Variants in CYP2C19 observed in about 807,000 individuals in gnomAD.
CYP2C19 encodes cytochrome P450 family 2 subfamily C member 19.
A neutral mutation model predicts 40.9 loss-of-function variants in CYP2C19; 59 were observed. The observed-to-expected ratio is 1.44, with a 90% CI of 1.17 to 1.79. CYP2C19 has a LOEUF of 1.79. CYP2C19 is among the 40% of genes most tolerant of loss of function. The probability of loss-of-function intolerance (pLI) is 0.00; values close to 1 mark genes in which losing one functional copy is unlikely to be tolerated. For missense variants in CYP2C19, 754 were observed against 596.9 expected (o/e 1.26, Z -2.74); for synonymous variants, 253 against 208.7 (o/e 1.21, Z -1.83).
Position 94,854,256 on chromosome 10 carries a change from T to A in CYP2C19, c.*1342T>A, listed in dbSNP as rs189119944. ...CTAGTCTTGAACTCCTGACCTCAAGTGATCCACCCACCTCAGCCTCCCAAA... is the reference window on the plus strand; with the variant it reads ...CTAGTCTTGAACTCCTGACCTCAAGAGATCCACCCACCTCAGCCTCCCAAA... On this transcript the variant is annotated 3_prime_UTR_variant, in exon 9 of 9. Transcript: ENST00000371321. 7.1e-4 allele frequency among the ~76,000 whole-genome samples: 108 copies of A among 152,204 alleles called. No individual in the cohort carries two copies. Among genetic ancestry groups the A allele is most frequent in the African/African-American group, 2.5e-3 (103 of 41,528 alleles).
intron 1 of CYP2C19, among the ~76,000 whole-genome samples, chr10:94,772,945 C>T (rs1421042358): frequency 6.6e-6 from 1 of 152,174 alleles, no homozygotes; most frequent in East Asian, 1.9e-4. Context: ...CCGCGCCCGG[C>T]TAATTTTTTG....
chr10:94,842,396 T>A (rs1008257720), intron 6 of CYP2C19, among the ~76,000 whole-genome samples: 13 of 145,374 alleles, frequency 8.9e-5, no homozygotes, highest in Non-Finnish European at 1.7e-4. Context: ...AAGTGAAGTT[T>A]TTTTTTTTTT....
rs187390647 is a variant in CYP2C19 at position 94,820,479 on chromosome 10, C to A, written c.820-17C>A. On this transcript the variant is annotated splice_polypyrimidine_tract_variant and intron_variant, in intron 5 of 8. Coordinates refer to ENST00000371321, the MANE Select transcript of CYP2C19 (RefSeq NM_000769.4). ...TGTTAAATAATTTGTCAGATAATTG[C>A]ATCAAATCATTCCTAGGAAAAGCAA... 1.4e-5 allele frequency: 22 copies of A among 1,613,520 alleles called. No individual in the cohort carries two copies. The African/African-American group carries it at 2.9e-4, about 22-fold the overall frequency.
chr10:94,801,433 G>C (rs932947161), intron 5 of CYP2C19, among the ~76,000 whole-genome samples: 3 of 152,158 alleles, frequency 2.0e-5, no homozygotes, highest in Non-Finnish European at 4.4e-5. Flanking sequence ...TGAGTTCTAA[G>C]TTGATTGCAC....
intron 5 of CYP2C19, among the ~76,000 whole-genome samples, chr10:94,790,350 C>T (rs1046203674): frequency 1.3e-5 from 2 of 152,046 alleles, no homozygotes; most frequent in African/African-American, 4.8e-5. Context: ...TTTCTCTTGC[C>T]TGATTGCCCT....
chr10:94,803,085 T>A (rs1362009065), intron 5 of CYP2C19, among the ~76,000 whole-genome samples: 1 of 152,184 alleles, frequency 6.6e-6, no homozygotes, highest in Non-Finnish European at 1.5e-5. Context: ...TTAGGGTTCA[T>A]TGCTGGGGAG....
At chr10:94,773,645 C>G (rs544624731) in intron 1 of CYP2C19, among the ~76,000 whole-genome samples, 7 of 152,220 alleles carry the variant, frequency 4.6e-5, no homozygotes, top group South Asian at 4.1e-4. Context: ...GTGAGTGTTA[C>G]AGCTCTTAAA....
chr10:94,834,820 G>A (rs1391574956), intron 6 of CYP2C19, among the ~76,000 whole-genome samples: 6 of 152,142 alleles, frequency 3.9e-5, no homozygotes, highest in Non-Finnish European at 7.4e-5. Flanking sequence ...GTTTAAAGGT[G>A]GAAGTGGTCA....
In CYP2C19 at chr10:94,779,541, CT is replaced by C. The variant is rs17878417; in HGVS notation, c.482-951del. Among the ~76,000 whole-genome samples, 471 of 88,648 alleles carry C rather than the reference CT, an allele frequency of 5.3e-3. 3 individuals carry two copies. The highest frequency in any genetic ancestry group is 0.018 in the African/African-American group (448 of 25,432). 58.2% of individuals were successfully genotyped at this position (88,648 alleles called of 152,430 possible). A position where few individuals can be genotyped will look rare whatever the true frequency, so the allele number is the denominator to read the frequency against. ...ACTAAAAACTCCATTTATTAATTTA[CT>C]TTTTTTCCTTTTTCTTTTCTTTTCT... On this transcript the variant is annotated intron_variant, in intron 3 of 8. Transcript: ENST00000371321.
intron 3 of CYP2C19, among the ~76,000 whole-genome samples, chr10:94,779,563 T>TTTCTTTTCTTTTCTC (rs1328633120): frequency 6.7e-6 from 1 of 148,688 alleles, no homozygotes; most frequent in African/African-American, 2.5e-5. Flanking sequence ...TTTCTTTTCT[T>TTTCTTTTCTTTTCTC]TTCTTTTTTT....
rs1848465756 is a variant in CYP2C19, at chr10:94,780,547, T to A, written c.530T>A (p.Val177Glu). The change falls in exon 4 of 9, where the codon GTG becomes GAG. Residue 177 changes from valine (V) to glutamate (E), a missense_variant. Val to Glu is a moderately radical substitution (Grantham distance 121). Transcript: ENST00000371321. The part of the protein sequence containing the change: ...TFILGCAPCN[V>E]ICSIIFQKRF... ...ATCCTGGGCTGTGCTCCCTGCAATG[T>A]GATCTGCTCCATTATTTTCCAGAAA... The A allele has an allele frequency of 1.2e-6, 2 of 1,613,820 alleles. No individual in the cohort carries two copies.
rs939018712 is a variant in CYP2C19 at position 94,833,261 on chromosome 10, G to C, written c.962-9576G>C. Among the ~76,000 whole-genome samples, 4 of 151,932 alleles carry C rather than the reference G, an allele frequency of 2.6e-5. No homozygotes were observed. The East Asian group carries it at 7.7e-4, about 29-fold the overall frequency. On this transcript the variant is annotated intron_variant, in intron 6 of 8. Transcript: ENST00000371321. The stretch of plus-strand genomic sequence containing the variant: ...TGGATAGCCTTTATATCTTTCTCTT[G>C]CCTGATTGCTCTTGCTAGGTCATCT...
intron 5 of CYP2C19, among the ~76,000 whole-genome samples, chr10:94,808,451 T>A (rs571311055): frequency 1.3e-5 from 2 of 152,298 alleles, no homozygotes; most frequent in South Asian, 4.1e-4. Flanking sequence ...TTATACTCTT[T>A]AAGTTATTTA....
rs1360280501 is a variant in CYP2C19 at position 94,775,039 on chromosome 10, A to G, written c.169-19A>G. On this transcript the variant is annotated intron_variant, in intron 1 of 8. Coordinates refer to ENST00000371321, the MANE Select transcript of CYP2C19 (RefSeq NM_000769.4). ...AAAACAGTGACTTCATTTGCTGTTAACTGTATCTCCTTTTCTAGCTCTCAA... is the reference window on the plus strand; with the variant it reads ...AAAACAGTGACTTCATTTGCTGTTAGCTGTATCTCCTTTTCTAGCTCTCAA... 6.2e-7 allele frequency: 1 copy of G among 1,613,084 alleles called. No homozygotes were observed. Among genetic ancestry groups the G allele is most frequent in the Non-Finnish European group, 8.5e-7 (1 of 1,179,416 alleles).
chr10:94,827,829 T>C (rs1849255344), intron 6 of CYP2C19, among the ~76,000 whole-genome samples: 2 of 152,084 alleles, frequency 1.3e-5, no homozygotes, highest in Non-Finnish European at 2.9e-5. Context: ...CTACACACTG[T>C]TTTGAATGCA....
intron 5 of CYP2C19, among the ~76,000 whole-genome samples, chr10:94,802,235 A>G (rs945036789): frequency 3.3e-5 from 5 of 152,116 alleles, no homozygotes; most frequent in Non-Finnish European, 7.3e-5. Flanking sequence ...CAGAGCGCTG[A>G]TTGGTGCATT....
intron 5 of CYP2C19, among the ~76,000 whole-genome samples, chr10:94,784,710 C>G (rs1263068594): frequency 6.6e-6 from 1 of 152,008 alleles, no homozygotes; most frequent in Admixed American, 6.6e-5. Flanking sequence ...CTGCCCCAGC[C>G]TTCAGAGTAG....
chr10:94,812,356 G>T (rs1297344612), intron 5 of CYP2C19, among the ~76,000 whole-genome samples: 2 of 151,780 alleles, frequency 1.3e-5, no homozygotes, highest in Non-Finnish European at 2.9e-5. Context: ...GTGTCTTGGG[G>T]TTGCCCTTCT....
At chr10:94,810,892 G>A (rs1039713250) in intron 5 of CYP2C19, among the ~76,000 whole-genome samples, 1 of 152,012 alleles carries the variant, frequency 6.6e-6, no homozygotes, top group Admixed American at 6.6e-5. Context: ...CTTCAATTCT[G>A]CTCTGATATT....
Sources: gnomAD v4.1 joint callset for allele counts (sites outside exome capture counted in the v4.1 genomes callset) on GRCh38, gnomAD v4.1.1 for gene constraint, MANE v1.5 for transcripts, NCBI Gene and HGNC (gene_info 2026-07-23, HGNC 2026-07-21) for gene names.